BMPR1B: variants seen among roughly 807,000 people sequenced by gnomAD.
BMPR1B encodes the protein bone morphogenetic protein receptor type 1B.
BMPR1B carries 12 observed loss-of-function variants against 59.1 expected under a neutral mutation model. The ratio of observed to expected loss-of-function variants is 0.20; its 90% CI spans 0.13 to 0.33. The LOEUF is 0.33. Among genes scored for constraint, BMPR1B ranks in the 10% least tolerant of loss-of-function variants. The pLI is 1.00. For synonymous variants in BMPR1B, 237 were observed against 207.3 expected, an observed-to-expected ratio of 1.14 and a Z score of -1.23; for missense variants, 550 against 610.9, an observed-to-expected ratio of 0.90 and a Z score of 1.05.
chr4:94,823,617 A>G (rs1724281872), intron 1 of BMPR1B, among the ~76,000 whole-genome samples: 2 of 152,212 alleles, frequency 1.3e-5, no homozygotes, highest in Non-Finnish European at 1.5e-5. Context: ...TAACCTCTCT[A>G]TAAGGCAAAG....
chr4:95,104,385 ACT>A, intron 3 of BMPR1B, 21 bp from the exon 4 acceptor site: 1 of 1,611,880 alleles, frequency 6.2e-7, no homozygotes, highest in Non-Finnish European at 8.5e-7. Flanking sequence ...CAGATGCCTA[ACT>A]CTCACTATTT....
At chr4:94,988,329 A>G (rs1259388866) in intron 2 of BMPR1B, among the ~76,000 whole-genome samples, 4 of 152,110 alleles carry the variant, frequency 2.6e-5, no homozygotes, top group Non-Finnish European at 2.9e-5. Context: ...TATAGGTTCA[A>G]TTAGCAACAA....
intron 2 of BMPR1B, among the ~76,000 whole-genome samples, chr4:94,917,568 C>T (rs11932660): frequency 0.28 from 42,058 of 152,100 alleles, 7,301 homozygotes; most frequent in African/African-American, 0.49. Context: ...TTTGGCCAGT[C>T]TCTCCCCTTT....
chr4:95,139,793 A>G (rs930434687), intron 10 of BMPR1B, among the ~76,000 whole-genome samples: 4 of 152,150 alleles, frequency 2.6e-5, no homozygotes, highest in African/African-American at 7.2e-5. Flanking sequence ...AAAGTGCAGT[A>G]TTAGGGTGGG....
At chr4:95,049,313 C>T (rs952902639) in intron 3 of BMPR1B, among the ~76,000 whole-genome samples, 2 of 151,324 alleles carry the variant, frequency 1.3e-5, no homozygotes, top group East Asian at 3.9e-4. Context: ...CAGGGTCTTG[C>T]TATGTTGCTC....
intron 2 of BMPR1B, among the ~76,000 whole-genome samples, chr4:94,900,990 T>C (rs1727788340): frequency 6.6e-6 from 1 of 151,934 alleles, no homozygotes; most frequent in Non-Finnish European, 1.5e-5. Context: ...AAAAGTAGAC[T>C]AAGGTCTTGT....
chr4:94,905,874 A>C, intron 2 of BMPR1B, among the ~76,000 whole-genome samples: 1 of 149,074 alleles, frequency 6.7e-6, no homozygotes, highest in Non-Finnish European at 1.5e-5. Flanking sequence ...ACAGTGATGT[A>C]TTTTAACATT....
intron 3 of BMPR1B, among the ~76,000 whole-genome samples, chr4:95,041,508 C>T (rs1181786785): frequency 2.0e-5 from 3 of 152,124 alleles, no homozygotes; most frequent in African/African-American, 7.2e-5. Context: ...GAATATCTGA[C>T]CCTCCTTTTT....
At chr4:95,075,812 C>T (rs773089032) in intron 3 of BMPR1B, among the ~76,000 whole-genome samples, 8 of 152,112 alleles carry the variant, frequency 5.3e-5, no homozygotes, top group Non-Finnish European at 8.8e-5. Context: ...AGTTGGCCTG[C>T]CTTTTGGTTT....
intron 2 of BMPR1B, among the ~76,000 whole-genome samples, chr4:94,987,195 C>G (rs1017688624): frequency 2.2e-5 from 3 of 136,906 alleles, no homozygotes; most frequent in Non-Finnish European, 3.1e-5. Flanking sequence ...TATAATATAT[C>G]ATATATATGT....
chr4:95,129,774 C>A, intron 8 of BMPR1B, 88 bp from the exon 9 acceptor site: 1 of 1,262,864 alleles, frequency 7.9e-7, no homozygotes, highest in Non-Finnish European at 1.1e-6. Flanking sequence ...ATTTTACATG[C>A]AGTAATCGTT....
rs374350093 is a variant in BMPR1B, at chr4:94,972,585, A to G, written c.-112-23455A>G. ...CAGGTTTCTAAATTTTACTTTAAAC[A>G]TTTGCATAATATTTCATCATTGGTC... On this transcript the variant is annotated intron_variant, in intron 2 of 12. Transcript: ENST00000515059. Among the ~76,000 whole-genome samples, 23 of 152,030 alleles carry G rather than the reference A, an allele frequency of 1.5e-4. No individual in the cohort carries two copies. In the East Asian group the frequency reaches 1.5e-3, roughly 10 times the overall value.
chr4:94,780,889 C>T (rs560510640), intron 1 of BMPR1B, among the ~76,000 whole-genome samples: 21 of 151,978 alleles, frequency 1.4e-4, no homozygotes, highest in African/African-American at 4.6e-4. Context: ...GGGGTTTCAC[C>T]GTGTTAGCCA....
At chr4:94,810,359 G>A (rs933093183) in intron 1 of BMPR1B, among the ~76,000 whole-genome samples, 1 of 152,056 alleles carries the variant, frequency 6.6e-6, no homozygotes, top group African/African-American at 2.4e-5. Context: ...CTATAAATAT[G>A]TATGTAACCA....
chr4:94,946,967 G>T (rs1024276004), intron 2 of BMPR1B, among the ~76,000 whole-genome samples: 1 of 152,022 alleles, frequency 6.6e-6, no homozygotes, highest in Non-Finnish European at 1.5e-5. Context: ...TGGGGAAATC[G>T]CCTGAACCGG....
chr4:95,073,532 G>A (rs1181150736), intron 3 of BMPR1B, among the ~76,000 whole-genome samples: 1 of 152,080 alleles, frequency 6.6e-6, no homozygotes, highest in East Asian at 1.9e-4. Flanking sequence ...TGGTGCAGAA[G>A]GCATTATAAA....
chr4:94,882,298 C>A (rs987510619), intron 2 of BMPR1B, among the ~76,000 whole-genome samples: 1 of 152,126 alleles, frequency 6.6e-6, no homozygotes, highest in Admixed American at 6.5e-5. Context: ...AAGAACAATT[C>A]TTTCACTAAA....
At chr4:95,079,665 A>G (rs1292443670) in intron 3 of BMPR1B, among the ~76,000 whole-genome samples, 1 of 152,150 alleles carries the variant, frequency 6.6e-6, no homozygotes, top group Non-Finnish European at 1.5e-5. Context: ...AGTTCAAATC[A>G]AGACATAAAC....
chr4:94,781,339 C>T (rs1439959456), intron 1 of BMPR1B, among the ~76,000 whole-genome samples: 5 of 151,996 alleles, frequency 3.3e-5, no homozygotes, highest in East Asian at 3.9e-4. Context: ...TTATAATGTC[C>T]GATTTATCTA....
Sources: gnomAD v4.1 joint callset for allele counts (sites outside exome capture counted in the v4.1 genomes callset) on GRCh38, gnomAD v4.1.1 for gene constraint, MANE v1.5 for transcripts, NCBI Gene and HGNC (gene_info 2026-07-23, HGNC 2026-07-21) for gene names.